The following DMBT1 variants were observed in gnomAD, a reference collection of about 807,000 sequenced individuals.
DMBT1 encodes the protein deleted in malignant brain tumors 1.
A neutral mutation model predicts 252.9 loss-of-function variants in DMBT1; 198 were observed. The ratio of observed to expected loss-of-function variants is 0.78; its 90% CI spans 0.70 to 0.88. The LOEUF (loss-of-function observed/expected upper bound fraction) is 0.88. DMBT1 is among the 40% of genes least tolerant of loss of function. The pLI is 0.00. For missense variants in DMBT1, 2,432 were observed against 2,404.7 expected (o/e 1.01, Z -0.24); for synonymous variants, 990 against 942.7 (o/e 1.05, Z -0.92).
chr10:122,639,398 AAG>A (rs1391556760), intron 54 of DMBT1, among the ~76,000 whole-genome samples: 2 of 152,134 alleles, frequency 1.3e-5, no homozygotes, highest in South Asian at 2.1e-4. Context: ...TGAGTCCAAA[AAG>A]AGAGTCAGCG....
intron 1 of DMBT1, among the ~76,000 whole-genome samples, chr10:122,564,583 C>A (rs1004683273): frequency 1.3e-5 from 2 of 150,696 alleles, no homozygotes; most frequent in Non-Finnish European, 2.9e-5. Context: ...GTATCACATA[C>A]ATTTTGGTAT....
intron 2 of DMBT1, among the ~76,000 whole-genome samples, chr10:122,567,489 TC>T (rs985510981): frequency 9.9e-5 from 15 of 152,198 alleles, no homozygotes; most frequent in African/African-American, 3.6e-4. Flanking sequence ...TGGCCTTTCC[TC>T]CCTCTGGGAG....
In DMBT1 at chr10:122,617,279, C is replaced by T; in HGVS notation, c.4891+19C>T. On this transcript the variant is annotated intron_variant, in intron 40 of 55. Coordinates refer to ENST00000338354, the MANE Select transcript of DMBT1 (RefSeq NM_001377530.1). ...ACAGCAGGTAAACAATCCTCTCACC[C>T]CTCCCTAGGGCTCACTATCTCTGGA... is the stretch of plus-strand genomic sequence containing the variant. 1.2e-6 allele frequency: 2 copies of T among 1,608,082 alleles called. No homozygotes were observed. The highest frequency in any genetic ancestry group is 1.7e-6 in the Non-Finnish European group (2 of 1,177,558).
intron 18 of DMBT1, 79 bp downstream of exon 18, chr10:122,590,773 C>A (rs1378953520): frequency 1.3e-6 from 2 of 1,504,370 alleles, no homozygotes; most frequent in African/African-American, 2.7e-5. Context: ...ACAGAGCCCT[C>A]CTTCTTACCT....
chr10:122,597,975 C>G lies in DMBT1; in HGVS notation c.2919C>G (p.Asp973Glu). 1 of 1,613,930 alleles carries G rather than the reference C, an allele frequency of 6.2e-7. No individual in the cohort carries two copies. Among genetic ancestry groups the G allele is most frequent in the South Asian group, 1.1e-5 (1 of 91,074 alleles). ...AAHSWSTPSP[D>E]TLPTITLPAS... The stretch of plus-strand genomic sequence containing the variant: ...CCTTTGTCTCTGTTGCAATTACAGA[C>G]ACATTGCCGACCATCACCTTGCCTG... The change falls in exon 25 of 56, where the codon GAC becomes GAG. Residue 973 changes from aspartate (D) to glutamate (E), a missense_variant and splice_region_variant. By Grantham distance (45) the Asp-to-Glu change is conservative. Coordinates refer to ENST00000338354, the MANE Select transcript of DMBT1 (RefSeq NM_001377530.1).
chr10:122,630,398 C>A lies in DMBT1; in HGVS notation c.5933C>A (p.Thr1978Lys). ...TGTAATGATACCAGGCAAATATTTA[C>A]ATCTTCTTACAACCGAATGACCATT... ...KICNDTRQIF[T>K]SSYNRMTIHF... is the part of the protein sequence containing the mutation. Residue 1978 changes from threonine (T) to lysine (K), a missense_variant, in exon 48 of 56, where the codon ACA becomes AAA. Physicochemically the swap from Thr to Lys is moderately conservative, Grantham distance 78. This residue lies in a region of DMBT1 where 1,162 missense variants were observed against 1,169.0 expected (regional missense o/e 0.99). Transcript: ENST00000338354. 6.2e-7 allele frequency: 1 copy of A among 1,614,014 alleles called. No homozygotes were observed. The highest frequency in any genetic ancestry group is 8.5e-7 in the Non-Finnish European group (1 of 1,179,888).
chr10:122,598,033 T>A (rs1176717999), intron 25 of DMBT1, 21 bp downstream of exon 25: 2 of 1,613,618 alleles, frequency 1.2e-6, no homozygotes, highest in Non-Finnish European at 1.7e-6. Context: ...CTCTCGCCCC[T>A]CCCTAGGGCT....
chr10:122,578,399 G>A (rs529926894), intron 8 of DMBT1, among the ~76,000 whole-genome samples: 2 of 152,332 alleles, frequency 1.3e-5, no homozygotes, highest in Non-Finnish European at 2.9e-5. Context: ...TTAGCTGCAA[G>A]TGTCAAGTCT....
intron 19 of DMBT1, among the ~76,000 whole-genome samples, chr10:122,591,834 T>G (rs2097851673): frequency 6.7e-6 from 1 of 149,288 alleles, no homozygotes; most frequent in Non-Finnish European, 1.5e-5. Context: ...ATTGCAGACC[T>G]GCAAGGGAGG....
rs977074718 is a variant in DMBT1, at chr10:122,636,487, TG to T, written c.6757+289del. Among the ~76,000 whole-genome samples the T allele has an allele frequency of 2.0e-5, 3 of 152,322 alleles. No individual in the cohort carries two copies. In the East Asian group the frequency reaches 5.8e-4, roughly 29 times the overall value. On this transcript the variant is annotated intron_variant, in intron 53 of 55. Transcript: ENST00000338354. ...CTCTTCGTGGAGAGTGATGAGTCAG[TG>T]CCAAAGGCAGAGGTGACCTCTTGGC... is the stretch of plus-strand genomic sequence containing the variant.
intron 53 of DMBT1, 90 bp from the exon 54 acceptor site, chr10:122,637,038 G>A: frequency 7.8e-7 from 1 of 1,278,806 alleles, no homozygotes; most frequent in Non-Finnish European, 1.1e-6. Flanking sequence ...CCTGGTCTGT[G>A]CACTTTTTAA....
intron 41 of DMBT1, 120 bp from the exon 42 acceptor site, chr10:122,619,188 C>G (rs79108353): frequency 2.3e-6 from 3 of 1,283,902 alleles, no homozygotes; most frequent in Non-Finnish European, 3.4e-6. Flanking sequence ...GCCCCTCCCT[C>G]TGTGATAGGG....
rs994859925 is a variant in DMBT1 at position 122,593,086 on chromosome 10, G to C, written c.2501-483G>C. 1.3e-4 allele frequency among the ~76,000 whole-genome samples: 19 copies of C among 148,992 alleles called. 3 individuals carry two copies. Among genetic ancestry groups the C allele is most frequent in the Middle Eastern group, 3.4e-3 (1 of 294 alleles). ...TGCAAATGGGTGTCTGGTTCTATCAGGCCTGGGTTGTGTGAGGTTGGAGTC... is the reference window on the plus strand; with the variant it reads ...TGCAAATGGGTGTCTGGTTCTATCACGCCTGGGTTGTGTGAGGTTGGAGTC... On this transcript the variant is annotated intron_variant, in intron 20 of 55. Coordinates refer to ENST00000338354, the MANE Select transcript of DMBT1 (RefSeq NM_001377530.1).
chr10:122,629,257 A>C (rs2098140169), intron 46 of DMBT1, among the ~76,000 whole-genome samples: 1 of 152,022 alleles, frequency 6.6e-6, no homozygotes, highest in Non-Finnish European at 1.5e-5. Flanking sequence ...TGCCATTACC[A>C]CTCTCATTTT....
chr10:122,640,965 T>C (rs1476342240), intron 55 of DMBT1, among the ~76,000 whole-genome samples: 2 of 152,128 alleles, frequency 1.3e-5, no homozygotes, highest in Non-Finnish European at 2.9e-5. Flanking sequence ...ACGCACATTG[T>C]AAGGCTGTTG....
chr10:122,634,433 TCTCTCTCTCTCTC>T (rs2098203183), intron 52 of DMBT1, among the ~76,000 whole-genome samples: 2 of 30,806 alleles, frequency 6.5e-5, no homozygotes, highest in African/African-American at 8.8e-5. Context: ...CTCTCTCTTC[TCTCTCTCTCTCTC>T]TCTCTCTCTC....
intron 40 of DMBT1, among the ~76,000 whole-genome samples, chr10:122,617,661 G>A (rs2098008023): frequency 6.6e-6 from 1 of 151,644 alleles, no homozygotes; most frequent in South Asian, 2.1e-4. Context: ...AAACCAGAGA[G>A]GACCATGTGG....
At chr10:122,632,916 C>G in intron 51 of DMBT1, 26 bp downstream of exon 51, 1 of 1,613,728 alleles carries the variant, frequency 6.2e-7, no homozygotes, top group Non-Finnish European at 8.5e-7. Flanking sequence ...CCTGACAAGT[C>G]TGTGGCAGAG....
intron 50 of DMBT1, among the ~76,000 whole-genome samples, 154 bp downstream of exon 50, chr10:122,632,029 G>A (rs1393428333): frequency 6.6e-6 from 1 of 152,028 alleles, no homozygotes; most frequent in African/African-American, 2.4e-5. Context: ...CGGCCACCAG[G>A]ATAGTGTGCC....
Sources: gnomAD v4.1 joint callset for allele counts (sites outside exome capture counted in the v4.1 genomes callset) on GRCh38, gnomAD v4.1.1 for gene constraint, gnomAD v4.1.1 regional missense constraint, MANE v1.5 for transcripts, NCBI Gene and HGNC (gene_info 2026-07-23, HGNC 2026-07-21) for gene names.